FBXL7: variants seen among roughly 807,000 people sequenced by gnomAD.
FBXL7 encodes F-box and leucine rich repeat protein 7.
In FBXL7, 12 loss-of-function variants were observed where a neutral mutation model predicts 38.3. The ratio of observed to expected loss-of-function variants is 0.31; its 90% CI spans 0.20 to 0.51. The LOEUF is 0.51. FBXL7 is among the 20% of genes least tolerant of loss of function. FBXL7 has a pLI of 0.98. For missense variants in FBXL7, 567 were observed against 676.4 expected (o/e 0.84, Z 1.79); for synonymous variants, 297 against 300.9 (o/e 0.99, Z 0.13).
At chr5:15,626,574 A>G (rs202055365) in intron 2 of FBXL7, among the ~76,000 whole-genome samples, 39 of 90,170 alleles carry the variant, frequency 4.3e-4, no homozygotes, top group South Asian at 1.3e-3. Flanking sequence ...GTGTGTGTGT[A>G]TGTGTACACC....
intron 2 of FBXL7, among the ~76,000 whole-genome samples, chr5:15,906,651 T>C (rs1479451789): frequency 8.7e-6 from 1 of 114,784 alleles, no homozygotes; most frequent in East Asian, 2.6e-4. Context: ...TATCTCCCAA[T>C]GCTATCCCTC....
rs886922263 is a variant in FBXL7 at position 15,894,631 on chromosome 5, G to A, written c.128-33259G>A. Among the ~76,000 whole-genome samples, 3 of 152,288 alleles carry A rather than the reference G, an allele frequency of 2.0e-5. No homozygotes were observed. In the South Asian group the frequency reaches 6.2e-4, roughly 32 times the overall value. On this transcript the variant is annotated intron_variant, in intron 2 of 3. Coordinates refer to ENST00000504595, the MANE Select transcript of FBXL7 (RefSeq NM_012304.5). ...TGAGGTTTTACTGATGTCTATGGGA[G>A]TTACCTAAAAGATTCCTTCTAAGGA...
intron 2 of FBXL7, among the ~76,000 whole-genome samples, chr5:15,917,706 G>GAAGGAAGA (rs1554034072): frequency 2.8e-4 from 39 of 137,806 alleles, no homozygotes; most frequent in African/African-American, 1.0e-3. Flanking sequence ...AGAAAGAAAG[G>GAAGGAAGA]AAGGAAGGAA....
At position 15,502,525 on chromosome 5, in the gene FBXL7, T is replaced by G. The variant is rs368016184; in HGVS notation, c.37+1812T>G. On this transcript the variant is annotated intron_variant, in intron 1 of 3. Coordinates refer to ENST00000504595, the MANE Select transcript of FBXL7 (RefSeq NM_012304.5). ...GTGGACTTTTTATAGGAAAAACCTC[T>G]TGTGCTCAGCTGATTCAAGAGGACC... Among the ~76,000 whole-genome samples, 123 of 152,312 alleles carry G rather than the reference T, an allele frequency of 8.1e-4. No individual in the cohort carries two copies. In the South Asian group the frequency reaches 0.025, roughly 31 times the overall value.
rs183408664 is a variant in FBXL7 at position 15,760,161 on chromosome 5, C to T, written c.127+144089C>T. Among the ~76,000 whole-genome samples the T allele has an allele frequency of 3.7e-4, 57 of 152,002 alleles. 1 individual carries two copies. The East Asian group carries it at 0.01, about 27-fold the overall frequency. ...CATTGCTGGGAGAAGCCTCCAGCCC[C>T]CTATTGGGGTAAGAGTCAGCTGTTC... is the stretch of plus-strand genomic sequence containing the variant. On this transcript the variant is annotated intron_variant, in intron 2 of 3. Transcript: ENST00000504595.
At chr5:15,912,140 A>G (rs2126425760) in intron 2 of FBXL7, among the ~76,000 whole-genome samples, 1 of 54,124 alleles carries the variant, frequency 1.8e-5, no homozygotes, top group East Asian at 3.7e-4. Context: ...GCCGCCTTGC[A>G]GTTTGATCTC....
intron 1 of FBXL7, among the ~76,000 whole-genome samples, chr5:15,538,480 C>CTT (rs1254124152): frequency 5.3e-5 from 8 of 152,074 alleles, no homozygotes; most frequent in African/African-American, 1.9e-4. Context: ...CTTTTTGTGT[C>CTT]TTGTACACAA....
chr5:15,665,611 G>T (rs959680156), intron 2 of FBXL7, among the ~76,000 whole-genome samples: 1 of 152,072 alleles, frequency 6.6e-6, no homozygotes, highest in Non-Finnish European at 1.5e-5. Context: ...GCAGTTTTAT[G>T]AACAGACTAC....
chr5:15,585,758 A>G (rs1739280250), intron 1 of FBXL7, among the ~76,000 whole-genome samples: 2 of 152,230 alleles, frequency 1.3e-5, no homozygotes, highest in East Asian at 3.8e-4. Flanking sequence ...GTTTTATGTT[A>G]GAGTTGTATC....
chr5:15,691,517 G>T (rs945907895), intron 2 of FBXL7, among the ~76,000 whole-genome samples: 2 of 152,118 alleles, frequency 1.3e-5, no homozygotes, highest in African/African-American at 2.4e-5. Context: ...TCTCTGATGG[G>T]TTTTCCTGTT....
chr5:15,657,861 T>C (rs772601332), intron 2 of FBXL7, among the ~76,000 whole-genome samples: 2 of 151,496 alleles, frequency 1.3e-5, no homozygotes, highest in Non-Finnish European at 2.9e-5. Flanking sequence ...AAAAATGTAA[T>C]GGACATTTAA....
intron 1 of FBXL7, among the ~76,000 whole-genome samples, chr5:15,605,484 GAAGA>G (rs1162759023): frequency 6.6e-6 from 1 of 152,164 alleles, no homozygotes; most frequent in African/African-American, 2.4e-5. Flanking sequence ...GCTAGATACA[GAAGA>G]AATAATATCG....
At position 15,928,245 on chromosome 5, in the gene FBXL7, C is replaced by T. The variant is rs1008945219; in HGVS notation, c.483C>T (p.Gly161=). ...PRLWRTIRLT[G]ETINVDRALK... The stretch of plus-strand genomic sequence containing the variant: ...TCTGGAGGACTATCCGCCTGACGGG[C>T]GAGACCATCAACGTGGACCGCGCCC... Residue 161 remains glycine (G), a synonymous_variant, in exon 3 of 4, where the codon GGC becomes GGT. Coordinates refer to ENST00000504595, the MANE Select transcript of FBXL7 (RefSeq NM_012304.5). The surrounding 1 kb of genome is among the most constrained non-coding windows in gnomAD (Gnocchi z 4.0). 1.2e-6 allele frequency: 2 copies of T among 1,611,166 alleles called. No individual in the cohort carries two copies. Among genetic ancestry groups the T allele is most frequent in the Non-Finnish European group, 1.7e-6 (2 of 1,178,878 alleles).
At chr5:15,530,569 T>A (rs1737391429) in intron 1 of FBXL7, among the ~76,000 whole-genome samples, 1 of 152,114 alleles carries the variant, frequency 6.6e-6, no homozygotes, top group South Asian at 2.1e-4. Flanking sequence ...ACCCTAATGT[T>A]TGGTGATTCA....
At chr5:15,540,479 C>T (rs937105139) in intron 1 of FBXL7, among the ~76,000 whole-genome samples, 1 of 152,122 alleles carries the variant, frequency 6.6e-6, no homozygotes, top group Non-Finnish European at 1.5e-5. Flanking sequence ...ACCAATGAGG[C>T]CAGCAAGTCC....
Position 15,796,872 on chromosome 5 carries a change from C to T in FBXL7, c.128-131018C>T, listed in dbSNP as rs141244323. Reference sequence around the variant, plus strand: ...AGGAGGCACGGAATGGATTTTAGAACGTGCGTGATGAGATCCAGAGCTACT... The same window carrying T: ...AGGAGGCACGGAATGGATTTTAGAATGTGCGTGATGAGATCCAGAGCTACT... On this transcript the variant is annotated intron_variant, in intron 2 of 3. Transcript: ENST00000504595. Among the ~76,000 whole-genome samples, 17 of 152,256 alleles carry T rather than the reference C, an allele frequency of 1.1e-4. No individual in the cohort carries two copies. The East Asian group carries it at 3.1e-3, about 28-fold the overall frequency.
At chr5:15,726,002 C>T (rs1744339669) in intron 2 of FBXL7, among the ~76,000 whole-genome samples, 1 of 152,142 alleles carries the variant, frequency 6.6e-6, no homozygotes, top group African/African-American at 2.4e-5. Context: ...CTGTGTATTT[C>T]TGTCTTCAAT....
At chr5:15,785,951 T>C (rs1262472090) in intron 2 of FBXL7, among the ~76,000 whole-genome samples, 1 of 152,178 alleles carries the variant, frequency 6.6e-6, no homozygotes, top group Non-Finnish European at 1.5e-5. Flanking sequence ...ATTTTCATAA[T>C]AAACAGAAAA....
At chr5:15,918,026 G>A (rs1354679450) in intron 2 of FBXL7, among the ~76,000 whole-genome samples, 1 of 152,070 alleles carries the variant, frequency 6.6e-6, no homozygotes, top group Non-Finnish European at 1.5e-5. Context: ...ATCACTTGAG[G>A]TCAGGAGTTC....
Sources: gnomAD v4.1 joint callset for allele counts (sites outside exome capture counted in the v4.1 genomes callset) on GRCh38, gnomAD v4.1.1 for gene constraint, Gnocchi (gnomAD v3.1) non-coding constraint, MANE v1.5 for transcripts, NCBI Gene and HGNC (gene_info 2026-07-23, HGNC 2026-07-21) for gene names.